Variants in TTLL4 observed in about 807,000 individuals in gnomAD.
TTLL4 encodes tubulin tyrosine ligase like 4.
In TTLL4, 85 loss-of-function variants were observed where a neutral mutation model predicts 122.7. The observed-to-expected ratio is 0.69, with a 90% CI of 0.58 to 0.83. The LOEUF (loss-of-function observed/expected upper bound fraction) is 0.83. Ranked by LOEUF, TTLL4 falls within the 40% of genes least tolerant of loss-of-function variation. The probability of loss-of-function intolerance (pLI) is 0.00; values close to 1 mark genes in which losing one functional copy is unlikely to be tolerated. For missense variants in TTLL4, 1,363 were observed against 1,488.6 expected (o/e 0.92, Z 1.39); for synonymous variants, 553 against 563.0 (o/e 0.98, Z 0.25).
chr2:218,745,726 C>A lies in TTLL4; in HGVS notation c.1822C>A (p.Arg608=). The A allele has an allele frequency of 6.2e-7, 1 of 1,613,248 alleles. No homozygotes were observed. The highest frequency in any genetic ancestry group is 2.2e-5 in the East Asian group (1 of 44,832). Residue 608 remains arginine (R), a synonymous_variant, in exon 7 of 20, where the codon CGA becomes AGA. Coordinates refer to ENST00000392102, the MANE Select transcript of TTLL4 (RefSeq NM_014640.5). ...KLPWEQRKLL[R]WKMSTVTPNI... is the part of the protein sequence containing the mutation. ...TCCCTGGGAACAGAGGAAGTTGCTC[C>A]GATGGAAGATGAGCACAGTGACCCC...
downstream of TTLL4, among the ~76,000 whole-genome samples, chr2:218,758,661 C>G (rs1324194742): frequency 6.6e-6 from 1 of 152,208 alleles, no homozygotes; most frequent in Non-Finnish European, 1.5e-5. Context: ...CCACTTAACA[C>G]TAAAGTGGCT....
At position 218,738,380 on chromosome 2, in the gene TTLL4, C is replaced by T. The variant is rs756434947; in HGVS notation, c.704C>T (p.Thr235Ile). ...AGCACGCCAGTGCCTTTATTGCAGA[C>T]CACACAGGGCCTGAAGCCAGTATCG... ...PNSTPVPLLQ[T>I]TQGLKPVSPP... The change falls in exon 3 of 20, where the codon ACC (threonine) becomes ATC (isoleucine). Residue 235 changes from threonine (T) to isoleucine (I), a missense_variant. By Grantham distance (89) the Thr-to-Ile change is moderately conservative. This residue lies in a region of TTLL4 where 760 missense variants were observed against 808.4 expected (regional missense o/e 0.94). Coordinates refer to ENST00000392102, the MANE Select transcript of TTLL4 (RefSeq NM_014640.5). 2.1e-5 allele frequency: 34 copies of T among 1,614,064 alleles called. No individual in the cohort carries two copies. The highest frequency in any genetic ancestry group is 2.8e-5 in the Non-Finnish European group (33 of 1,180,052).
Position 218,738,080 on chromosome 2 carries a change from G to C in TTLL4, c.404G>C (p.Cys135Ser). The change falls in exon 3 of 20, where the codon TGC becomes TCC. Residue 135 changes from cysteine to serine, a missense_variant. Cys to Ser is a moderately radical substitution (Grantham distance 112). Around this residue, in one of 3 missense-constraint regions of TTLL4, gnomAD observed 760 missense variants for 808.4 expected, o/e 0.94. Transcript: ENST00000392102. Reference protein sequence around the residue: ...QKPYQQLESFCLRSSPSEKSP... With the variant: ...QKPYQQLESFSLRSSPSEKSP... ...CCGTACCAGCAACTGGAGTCTTTCT[G>C]CTTGCGTTCGAGCCCGTCAGAAAAA... 6.2e-7 allele frequency: 1 copy of C among 1,614,034 alleles called. No homozygotes were observed. Among genetic ancestry groups the C allele is most frequent in the Non-Finnish European group, 8.5e-7 (1 of 1,180,016 alleles).
At position 218,719,365 on chromosome 2, in the gene TTLL4, C is replaced by T. The variant is rs1161677602; in HGVS notation, c.-177-7904C>T. 2.0e-5 allele frequency among the ~76,000 whole-genome samples: 3 copies of T among 152,070 alleles called. No individual in the cohort carries two copies. In the East Asian group the frequency reaches 5.8e-4, roughly 29 times the overall value. Reference sequence around the variant, plus strand: ...TTGGGAAAGTATCACGTGAGAGGGACACACAACAGGTGCTCGTGGAGAGGG... The same window carrying T: ...TTGGGAAAGTATCACGTGAGAGGGATACACAACAGGTGCTCGTGGAGAGGG... On this transcript the variant is annotated intron_variant, in intron 1 of 19. Transcript: ENST00000392102.
chr2:218,751,898 T>TTTTCTTTC (rs1491550377), intron 16 of TTLL4, 92 bp downstream of exon 16: 2 of 651,702 alleles, frequency 3.1e-6, no homozygotes, highest in Non-Finnish European at 4.5e-6. Flanking sequence ...TTTTTTTTTT[T>TTTTCTTTC]CTTTTCTTTT....
chr2:218,746,200 C>T lies in TTLL4; in HGVS notation c.1943C>T (p.Pro648Leu). Residue 648 changes from proline (P) to leucine (L), a missense_variant, in exon 8 of 20, where the codon CCT (proline) becomes CTT (leucine). Physicochemically the swap from Pro to Leu is moderately conservative, Grantham distance 98. Around this residue, in one of 3 missense-constraint regions of TTLL4, gnomAD observed 760 missense variants for 808.4 expected, o/e 0.94. Transcript: ENST00000392102. ...TGCTGGGGTCACCACATGAAGTCTC[C>T]TAGTTTCCGATCCATTCGAGAGCAT... ...LGCWGHHMKS[P>L]SFRSIREHQK... 1 of 1,613,992 alleles carries T rather than the reference C, an allele frequency of 6.2e-7. No individual in the cohort carries two copies. Among genetic ancestry groups the T allele is most frequent in the Non-Finnish European group, 8.5e-7 (1 of 1,180,016 alleles).
chr2:218,735,134 G>A (rs571602093), intron 2 of TTLL4, among the ~76,000 whole-genome samples: 1 of 152,186 alleles, frequency 6.6e-6, no homozygotes, highest in African/African-American at 2.4e-5. Flanking sequence ...CATGGCTTCT[G>A]CAGTGTTTGT....
At chr2:218,758,731 C>G (rs6741217), downstream of TTLL4, among the ~76,000 whole-genome samples, 1 of 152,180 alleles carries the variant, frequency 6.6e-6, no homozygotes, top group African/African-American at 2.4e-5. Flanking sequence ...TGAGAAGGTG[C>G]TGATGGGAAT....
chr2:218,745,493 C>T, intron 6 of TTLL4, 198 bp from the exon 7 acceptor site: 2 of 637,164 alleles, frequency 3.1e-6, no homozygotes, highest in South Asian at 2.0e-5. Context: ...TTTCAGTCTT[C>T]CCTTTCTTTG....
chr2:218,737,864 T>C lies in TTLL4; in HGVS notation c.188T>C (p.Leu63Pro). ...CTGGAAAAGAAGCAAGTGGAGACAC[T>C]GTCAGCAGGGTTGGGCCCAGGCCTC... ...WKLEKKQVET[L>P]SAGLGPGLLG... The change falls in exon 3 of 20, where the codon CTG becomes CCG. Residue 63 changes from leucine to proline, a missense_variant. Around this residue, in one of 3 missense-constraint regions of TTLL4, gnomAD observed 760 missense variants for 808.4 expected, o/e 0.94. Transcript: ENST00000392102. 6.2e-7 allele frequency: 1 copy of C among 1,614,210 alleles called. No homozygotes were observed. The highest frequency in any genetic ancestry group is 8.5e-7 in the Non-Finnish European group (1 of 1,180,042).
intron 7 of TTLL4, 24 bp from the exon 8 acceptor site, chr2:218,746,131 T>C (rs1328976732): frequency 2.5e-6 from 4 of 1,613,932 alleles, no homozygotes; most frequent in African/African-American, 2.7e-5. Flanking sequence ...TTAGCAAGGC[T>C]GATTCCTGAT....
chr2:218,742,554 C>T (rs750771366), intron 5 of TTLL4, among the ~76,000 whole-genome samples: 1 of 152,184 alleles, frequency 6.6e-6, no homozygotes, highest in Non-Finnish European at 1.5e-5. Context: ...AGTGAAGCAG[C>T]TGTTCCAAGG....
At chr2:218,714,686 G>T (rs1309719814) in intron 1 of TTLL4, among the ~76,000 whole-genome samples, 2 of 151,692 alleles carry the variant, frequency 1.3e-5, no homozygotes, top group Non-Finnish European at 2.9e-5. Context: ...TTGGGCTCAG[G>T]ATTTCTTTAT....
At chr2:218,739,336 T>C (rs1406324174) in intron 3 of TTLL4, among the ~76,000 whole-genome samples, 173 bp downstream of exon 3, 2 of 152,252 alleles carry the variant, frequency 1.3e-5, no homozygotes, top group Non-Finnish European at 2.9e-5. Flanking sequence ...GACCAAATCT[T>C]GCTTGTTGCC....
chr2:218,717,944 G>A (rs991258289), intron 1 of TTLL4, among the ~76,000 whole-genome samples: 4 of 151,934 alleles, frequency 2.6e-5, no homozygotes, highest in African/African-American at 4.8e-5. Context: ...GACTGCAGGC[G>A]TCTGCCACCA....
intron 5 of TTLL4, among the ~76,000 whole-genome samples, chr2:218,742,214 C>T (rs1221635626): frequency 1.3e-5 from 2 of 152,150 alleles, no homozygotes; most frequent in Non-Finnish European, 2.9e-5. Context: ...AAGTAATCCT[C>T]TTGCTTTAGC....
intron 1 of TTLL4, among the ~76,000 whole-genome samples, chr2:218,718,768 C>G (rs1236927234): frequency 6.6e-6 from 1 of 152,148 alleles, no homozygotes; most frequent in Admixed American, 6.5e-5. Flanking sequence ...GATTGGAGGA[C>G]AGAACTGTAT....
At chr2:218,749,045 G>T (rs889771276) in intron 13 of TTLL4, 111 bp downstream of exon 13, 137 of 1,344,928 alleles carry the variant, frequency 1.0e-4, no homozygotes, top group Non-Finnish European at 1.1e-5. Context: ...TTGGTTTTAA[G>T]GACAGAGAAT....
At chr2:218,726,779 TTTC>T (rs1414977519) in intron 1 of TTLL4, among the ~76,000 whole-genome samples, 14 of 150,434 alleles carry the variant, frequency 9.3e-5, no homozygotes. Context: ...TTTTGTGAAA[TTTC>T]TTATAGACCA....
Sources: gnomAD v4.1 joint callset for allele counts (sites outside exome capture counted in the v4.1 genomes callset) on GRCh38, gnomAD v4.1.1 for gene constraint, gnomAD v4.1.1 regional missense constraint, MANE v1.5 for transcripts, NCBI Gene and HGNC (gene_info 2026-07-23, HGNC 2026-07-21) for gene names.